Variants in RRAGB observed in about 807,000 individuals in gnomAD.
RRAGB encodes Ras related GTP binding B.
RRAGB carries 6 observed loss-of-function variants against 29.3 expected under a neutral mutation model. The observed-to-expected ratio is 0.21, with a 90% CI of 0.11 to 0.40. The LOEUF is 0.40. Ranked by LOEUF, RRAGB falls within the 10% of genes least tolerant of loss-of-function variation. The pLI is 1.00. For synonymous variants in RRAGB, 101 were observed against 92.5 expected (o/e 1.09, Z -0.53); for missense variants, 184 against 272.9 (o/e 0.67, Z 2.29).
At chrX:55,719,176 G>A in intron 1 of RRAGB, 138 bp from the exon 2 acceptor site, 1 of 483,381 alleles carries the variant, frequency 2.1e-6, no homozygotes, top group Non-Finnish European at 3.4e-6. Context: ...CTATTCATCT[G>A]AGGTCCCACA....
At position 55,718,437 on chromosome X, in the gene RRAGB, G is replaced by T. The variant is rs372327982; in HGVS notation, c.92+18G>T. On this transcript the variant is annotated intron_variant, in intron 1 of 9. Transcript: ENST00000374941. ...TCGCTTGGGTGGGTGAAGGGTATTT[G>T]TGAAACCTGGAAGTGGGGGTGTTCA... 1,057 of 1,072,694 alleles carry T rather than the reference G, an allele frequency of 9.9e-4. 1 individual carries two copies. The highest frequency in any genetic ancestry group is 1.3e-3 in the Non-Finnish European group (991 of 783,854). The allele number at this position is 1,072,694 out of a possible 1,213,427, so 88.4% of individuals were successfully genotyped here.
chrX:55,725,452 C>T (rs1310735884), intron 3 of RRAGB, among the ~76,000 whole-genome samples: 1 of 111,877 alleles, frequency 8.9e-6, no homozygotes, highest in African/African-American at 3.2e-5. Flanking sequence ...ATATATAGTG[C>T]TCTGCTTTTT....
At chrX:55,748,449 A>G (rs2034341926) in intron 5 of RRAGB, among the ~76,000 whole-genome samples, 1 of 103,454 alleles carries the variant, frequency 9.7e-6, no homozygotes, top group Non-Finnish European at 2.0e-5. Flanking sequence ...CCGCCATCCC[A>G]TCTAGGAAGC....
chrX:55,724,389 C>G (rs1419297579), intron 3 of RRAGB, among the ~76,000 whole-genome samples: 1 of 112,123 alleles, frequency 8.9e-6, no homozygotes, highest in African/African-American at 3.2e-5. Flanking sequence ...GCTACTTATT[C>G]TCTTATCTGA....
At chrX:55,737,549 G>A (rs747323882) in intron 5 of RRAGB, among the ~76,000 whole-genome samples, 1 of 112,214 alleles carries the variant, frequency 8.9e-6, no homozygotes, top group African/African-American at 3.2e-5. Context: ...TCACCACTGA[G>A]CATGGCCTTG....
At chrX:55,749,536 C>T (rs1602072272) in intron 5 of RRAGB, among the ~76,000 whole-genome samples, 1 of 111,411 alleles carries the variant, frequency 9.0e-6, no homozygotes, top group East Asian at 2.9e-4. Context: ...GGGAGGTGTA[C>T]CCAACAGCTC....
At chrX:55,728,320 G>A (rs182454268) in intron 3 of RRAGB, among the ~76,000 whole-genome samples, 8 of 111,937 alleles carry the variant, frequency 7.1e-5, no homozygotes, top group African/African-American at 2.6e-4. Flanking sequence ...CTATCTCATT[G>A]GGTAGATGTT....
In RRAGB at chrX:55,728,752, G is replaced by T. The variant is rs756955447; in HGVS notation, c.227-542G>T. 6.3e-5 allele frequency among the ~76,000 whole-genome samples: 7 copies of T among 110,949 alleles called. No homozygotes were observed. In the East Asian group the frequency reaches 2.0e-3, roughly 31 times the overall value. On this transcript the variant is annotated intron_variant, in intron 3 of 9. Coordinates refer to ENST00000374941, the MANE Select transcript of RRAGB (RefSeq NM_006064.5). ...ATGATAAGGGGCTTCCTTAATGTTT[G>T]TGGTAGGTTATAAAATAAGGAATGG...
At chrX:55,751,287 C>A in intron 6 of RRAGB, 91 bp downstream of exon 6, 1 of 467,872 alleles carries the variant, frequency 2.1e-6, no homozygotes, top group African/African-American at 2.4e-5. Flanking sequence ...TAAACTATTT[C>A]ATAGCCATCT....
chrX:55,735,051 A>G (rs776565308), intron 5 of RRAGB, among the ~76,000 whole-genome samples: 47 of 112,039 alleles, frequency 4.2e-4, no homozygotes, highest in Non-Finnish European at 7.0e-4. Context: ...TATATAGTCT[A>G]TCTTGAAAAA....
chrX:55,719,204 C>G (rs1378214128), intron 1 of RRAGB, 110 bp from the exon 2 acceptor site: 2 of 645,679 alleles, frequency 3.1e-6, no homozygotes, highest in Non-Finnish European at 4.8e-6. Context: ...CTGTACTCAG[C>G]CGTTGTACTA....
chrX:55,757,628 C>T (rs745593060), intron 9 of RRAGB, among the ~76,000 whole-genome samples: 4 of 111,836 alleles, frequency 3.6e-5, no homozygotes, highest in South Asian at 3.8e-4. Context: ...TAGGGTATTA[C>T]GTTTTTCTTC....
intron 3 of RRAGB, among the ~76,000 whole-genome samples, chrX:55,728,151 T>C (rs903619638): frequency 9.0e-6 from 1 of 111,498 alleles, no homozygotes; most frequent in African/African-American, 3.3e-5. Flanking sequence ...TTGGCCCATG[T>C]GATGTTTTCT....
intron 5 of RRAGB, among the ~76,000 whole-genome samples, chrX:55,744,862 G>A (rs1180046205): frequency 8.9e-6 from 1 of 111,771 alleles, no homozygotes; most frequent in Non-Finnish European, 1.9e-5. Flanking sequence ...TCTGTTCTGG[G>A]ACCTACTCAA....
At chrX:55,740,378 G>T (rs918445166) in intron 5 of RRAGB, among the ~76,000 whole-genome samples, 11 of 110,705 alleles carry the variant, frequency 9.9e-5, no homozygotes, top group African/African-American at 3.7e-4. Flanking sequence ...ATTATGACTA[G>T]GCTCAAACAC....
In RRAGB at chrX:55,758,390, A is replaced by G. The variant is rs760793312; in HGVS notation, c.*47A>G. ...CACAAAAATTAAAAGTTTCCTAATT[A>G]ATGTTGTATTCATATATGTAGGCTC... is the stretch of plus-strand genomic sequence containing the variant. On this transcript the variant is annotated 3_prime_UTR_variant, in exon 10 of 10. Coordinates refer to ENST00000374941, the MANE Select transcript of RRAGB (RefSeq NM_006064.5). The G allele has an allele frequency of 6.7e-6, 6 of 894,185 alleles. No homozygotes were observed. The highest frequency in any genetic ancestry group is 8.0e-6 in the Non-Finnish European group (5 of 625,123). The allele number at this position is 894,185 out of a possible 1,213,427, so 73.7% of individuals were successfully genotyped here. A position where few individuals can be genotyped will look rare whatever the true frequency, so the allele number is the denominator to read the frequency against.
chrX:55,757,683 GA>G lies in RRAGB; in HGVS notation c.943+358del, dbSNP rs372461148. Among the ~76,000 whole-genome samples the G allele has an allele frequency of 4.1e-3, 458 of 111,812 alleles. 3 individuals are homozygous for G. Among genetic ancestry groups the G allele is most frequent in the African/African-American group, 0.014 (421 of 30,865 alleles). On this transcript the variant is annotated intron_variant, in intron 9 of 9. Coordinates refer to ENST00000374941, the MANE Select transcript of RRAGB (RefSeq NM_006064.5). ...AGTCACTAAATCCAAGAATTTTAAA[GA>G]AAAAACCCAAATACATGATTTATGC... is the stretch of plus-strand genomic sequence containing the variant.
chrX:55,748,353 T>A lies in RRAGB; in HGVS notation c.517-2748T>A, dbSNP rs751870324. ...TATCCTCTGGGATGTGAGGAGCCCCTCTGCCTGGCTGCCCAGTCTGGAAAG... is the reference window on the plus strand; with the variant it reads ...TATCCTCTGGGATGTGAGGAGCCCCACTGCCTGGCTGCCCAGTCTGGAAAG... On this transcript the variant is annotated intron_variant, in intron 5 of 9. Transcript: ENST00000374941. 2.8e-5 allele frequency among the ~76,000 whole-genome samples: 3 copies of A among 107,682 alleles called. No individual in the cohort carries two copies. The South Asian group carries it at 1.2e-3, about 45-fold the overall frequency. The allele number at this position is 107,682 out of a possible 115,157, so 93.5% of individuals were successfully genotyped here. A position where few individuals can be genotyped will look rare whatever the true frequency, so the allele number is the denominator to read the frequency against.
chrX:55,729,491 C>A, intron 4 of RRAGB, 131 bp downstream of exon 4: 1 of 422,229 alleles, frequency 2.4e-6, no homozygotes, highest in Non-Finnish European at 4.1e-6. Context: ...TTAAAATTGA[C>A]ACTTGAGTCA....
Sources: allele counts gnomAD v4.1 joint callset (sites outside exome capture counted in the v4.1 genomes callset), GRCh38; gene constraint gnomAD v4.1.1; transcripts MANE v1.5; gene names NCBI Gene and HGNC (gene_info 2026-07-23, HGNC 2026-07-21).